VGLL1: variants seen among roughly 807,000 people sequenced by gnomAD.
VGLL1 encodes the protein vestigial like family member 1, also known as transcription cofactor vestigial-like protein 1.
VGLL1 carries 4 observed loss-of-function variants against 12.0 expected under a neutral mutation model. The ratio of observed to expected loss-of-function variants is 0.33; its 90% CI spans 0.16 to 0.76. The LOEUF (loss-of-function observed/expected upper bound fraction) is 0.76, where lower values mean the gene tolerates loss of function less well. Ranked by LOEUF, VGLL1 falls within the 30% of genes least tolerant of loss-of-function variation. The probability of loss-of-function intolerance (pLI) is 0.60; values close to 1 mark genes in which losing one functional copy is unlikely to be tolerated. For synonymous variants in VGLL1, 87 were observed against 81.2 expected, an observed-to-expected ratio of 1.07 and a Z score of -0.39; for missense variants, 204 against 208.7, an observed-to-expected ratio of 0.98 and a Z score of 0.14.
chrX:136,537,119 C>T (rs940419623), intron 2 of VGLL1, among the ~76,000 whole-genome samples: 1 of 111,800 alleles, frequency 8.9e-6, no homozygotes, highest in Non-Finnish European at 1.9e-5. Flanking sequence ...CCTGTAATTC[C>T]AGCACTTTGA....
At chrX:136,539,804 A>G (rs965994659) in intron 2 of VGLL1, among the ~76,000 whole-genome samples, 3 of 111,727 alleles carry the variant, frequency 2.7e-5, no homozygotes, top group African/African-American at 9.8e-5. Flanking sequence ...TTCACTTAAC[A>G]TGCCTAATAG....
rs1184422194 is a variant in VGLL1 at position 136,544,301 on chromosome X, A to G, written c.215-4288A>G. ...TCCTTGTGGGTACATTTTTACATGC[A>G]TCATTGACTATATCCTTAAAATAAA... is the stretch of plus-strand genomic sequence containing the variant. On this transcript the variant is annotated intron_variant, in intron 2 of 4. Transcript: ENST00000370634. 3.6e-5 allele frequency among the ~76,000 whole-genome samples: 4 copies of G among 112,494 alleles called. No individual in the cohort carries two copies. In the East Asian group the frequency reaches 1.1e-3, roughly 31 times the overall value.
chrX:136,547,644 C>G (rs139210374), intron 2 of VGLL1, among the ~76,000 whole-genome samples: 52 of 111,789 alleles, frequency 4.7e-4, no homozygotes, highest in African/African-American at 1.5e-3. Flanking sequence ...GTGTGAGTGA[C>G]CAGCACAGGT....
intron 4 of VGLL1, among the ~76,000 whole-genome samples, chrX:136,553,567 C>T (rs2075893090): frequency 8.9e-6 from 1 of 112,072 alleles, no homozygotes; most frequent in African/African-American, 3.2e-5. Flanking sequence ...CCGCCTTGGC[C>T]TCCCAAAGTG....
intron 4 of VGLL1, among the ~76,000 whole-genome samples, chrX:136,551,220 TTTTA>T (rs1254511124): frequency 4.6e-5 from 5 of 109,429 alleles, no homozygotes; most frequent in African/African-American, 1.7e-4. Flanking sequence ...CCTAGTATTC[TTTTA>T]TTTATTTCTT....
intron 4 of VGLL1, 83 bp from the exon 5 acceptor site, chrX:136,556,368 T>G: frequency 1.4e-6 from 1 of 735,798 alleles, no homozygotes. Flanking sequence ...ATCCCACAGG[T>G]GTTCATCTGG....
chrX:136,548,173 G>A (rs1390787130), intron 2 of VGLL1, among the ~76,000 whole-genome samples: 1 of 111,315 alleles, frequency 9.0e-6, no homozygotes, highest in East Asian at 2.8e-4. Context: ...GCTAATTTTT[G>A]TATTTTTAGT....
intron 2 of VGLL1, among the ~76,000 whole-genome samples, chrX:136,544,409 A>T (rs1023649239): frequency 8.9e-6 from 1 of 112,413 alleles, no homozygotes; most frequent in Non-Finnish European, 1.9e-5. Context: ...CTTCCTAGAA[A>T]TGTTATGCCA....
At position 136,553,153 on chromosome X, in the gene VGLL1, C is replaced by A. The variant is rs762127722; in HGVS notation, c.688+2332C>A. 2.9e-3 allele frequency among the ~76,000 whole-genome samples: 318 copies of A among 109,896 alleles called. 1 individual carries two copies. Among genetic ancestry groups the A allele is most frequent in the Non-Finnish European group, 4.7e-3 (247 of 52,559 alleles). ...CAAGTAAAAGGACAATGGAACCCAG[C>A]AAAGCCCATGCTCTTAAGCATGACA... On this transcript the variant is annotated intron_variant, in intron 4 of 4. Transcript: ENST00000370634.
intron 1 of VGLL1, among the ~76,000 whole-genome samples, chrX:136,532,601 C>A (rs1369220625): frequency 3.2e-4 from 26 of 80,459 alleles, no homozygotes; most frequent in African/African-American, 1.1e-3. Flanking sequence ...TTCTTTCTTT[C>A]TTTCTTTCTT....
At chrX:136,532,766 G>T (rs1282727726) in intron 1 of VGLL1, among the ~76,000 whole-genome samples, 2 of 101,833 alleles carry the variant, frequency 2.0e-5, no homozygotes, top group Non-Finnish European at 4.0e-5. Context: ...TTTGTATCTT[G>T]TGAGATGGGG....
At chrX:136,550,113 T>A (rs2075881589) in intron 3 of VGLL1, among the ~76,000 whole-genome samples, 1 of 112,662 alleles carries the variant, frequency 8.9e-6, no homozygotes, top group African/African-American at 3.2e-5. Context: ...TTTCCAGAAT[T>A]TGATTAGGAA....
chrX:136,549,386 C>G (rs1244185615), intron 3 of VGLL1, among the ~76,000 whole-genome samples: 1 of 111,298 alleles, frequency 9.0e-6, no homozygotes, highest in Non-Finnish European at 1.9e-5. Flanking sequence ...CCTACAGGCT[C>G]AAACTGTAGC....
At chrX:136,541,973 A>G (rs1419392406) in intron 2 of VGLL1, among the ~76,000 whole-genome samples, 1 of 111,728 alleles carries the variant, frequency 9.0e-6, no homozygotes, top group African/African-American at 3.3e-5. Context: ...AGCTTCAGTA[A>G]CTATAGTTTG....
At chrX:136,538,218 T>C (rs1477372235) in intron 2 of VGLL1, among the ~76,000 whole-genome samples, 1 of 112,257 alleles carries the variant, frequency 8.9e-6, no homozygotes, top group Non-Finnish European at 1.9e-5. Flanking sequence ...TAGTATGACT[T>C]TCACGGACCC....
At chrX:136,538,916 T>C (rs1430191440) in intron 2 of VGLL1, among the ~76,000 whole-genome samples, 1 of 43,986 alleles carries the variant, frequency 2.3e-5, no homozygotes, top group East Asian at 7.6e-4. Flanking sequence ...CAGGAGGGGG[T>C]GGGTGGGGAG....
rs1316865191 is a variant in VGLL1, at chrX:136,532,239, G to C, written c.-83G>C. ...CACTAACCTGCTCTGAAGTGAGCCAGGCAGCTCTGGCCATCTTTTCCCAGC... is the reference window on the plus strand; with the variant it reads ...CACTAACCTGCTCTGAAGTGAGCCACGCAGCTCTGGCCATCTTTTCCCAGC... On this transcript the variant is annotated 5_prime_UTR_variant, in exon 1 of 5. Transcript: ENST00000370634. The C allele has an allele frequency of 8.9e-6, 1 of 111,810 alleles. No homozygotes were observed. The highest frequency in any genetic ancestry group is 1.9e-5 in the Non-Finnish European group (1 of 53,152). The allele number at this position is 111,810 out of a possible 1,213,427, so 9.2% of individuals were successfully genotyped here.
intron 2 of VGLL1, among the ~76,000 whole-genome samples, chrX:136,548,374 G>A (rs1457727029): frequency 4.5e-5 from 5 of 111,285 alleles, no homozygotes; most frequent in African/African-American, 1.3e-4. Context: ...TATATGTTGT[G>A]AAAACAATGC....
At chrX:136,537,601 T>C (rs2075843587) in intron 2 of VGLL1, among the ~76,000 whole-genome samples, 1 of 111,474 alleles carries the variant, frequency 9.0e-6, no homozygotes, top group South Asian at 3.7e-4. Flanking sequence ...ACTCTGTTGC[T>C]CAGGCTGGAA....
Sources: gnomAD v4.1 joint callset for allele counts (sites outside exome capture counted in the v4.1 genomes callset) on GRCh38, gnomAD v4.1.1 for gene constraint, MANE v1.5 for transcripts, NCBI Gene and HGNC (gene_info 2026-07-23, HGNC 2026-07-21) for gene names.